CACNB2: variants seen among roughly 807,000 people sequenced by gnomAD.
The protein encoded by CACNB2 is voltage-dependent L-type calcium channel subunit beta-2.
In CACNB2, 42 loss-of-function variants were observed where a neutral mutation model predicts 73.3. The ratio of observed to expected loss-of-function variants is 0.57; its 90% CI spans 0.45 to 0.74. The LOEUF (loss-of-function observed/expected upper bound fraction) is 0.74, where lower values mean the gene tolerates loss of function less well. Among genes scored for constraint, CACNB2 ranks in the 30% least tolerant of loss-of-function variants. The probability of loss-of-function intolerance (pLI) is 0.00; values close to 1 mark genes in which losing one functional copy is unlikely to be tolerated. For synonymous variants in CACNB2, 348 were observed against 310.3 expected (o/e 1.12, Z -1.28); for missense variants, 940 against 853.0 (o/e 1.10, Z -1.27).
intron 1 of CACNB2, among the ~76,000 whole-genome samples, chr10:18,147,032 G>A (rs2031059232): frequency 1.3e-5 from 2 of 152,112 alleles, no homozygotes. Context: ...TTGTCCCCAG[G>A]GGCTGCCAAG....
chr10:18,223,348 G>A (rs1042859188), intron 2 of CACNB2, among the ~76,000 whole-genome samples: 3 of 152,184 alleles, frequency 2.0e-5, no homozygotes, highest in Admixed American at 6.6e-5. Context: ...AGGCTAGTCA[G>A]TAATATACAT....
chr10:18,508,983 T>C (rs2050627112), intron 6 of CACNB2, among the ~76,000 whole-genome samples: 1 of 152,134 alleles, frequency 6.6e-6, no homozygotes, highest in Non-Finnish European at 1.5e-5. Flanking sequence ...CCATGAAGAG[T>C]GTAATATTTA....
intron 2 of CACNB2, among the ~76,000 whole-genome samples, chr10:18,242,076 T>C (rs986555137): frequency 1.4e-5 from 2 of 147,448 alleles, no homozygotes; most frequent in Admixed American, 7.0e-5. Flanking sequence ...AATGCATGTA[T>C]ATATGTATAT....
rs774654438 is a variant in CACNB2, at chr10:18,539,380, C to A, written c.1639C>A (p.Arg547Ser). 6.2e-7 allele frequency: 1 copy of A among 1,614,050 alleles called. No homozygotes were observed. Among genetic ancestry groups the A allele is most frequent in the African/African-American group, 1.3e-5 (1 of 75,004 alleles). The change falls in exon 14 of 14, where the codon CGC becomes AGC. Residue 547 changes from arginine (R) to serine (S), a missense_variant. Transcript: ENST00000324631. ...PHHNHRSGTS[R>S]GLSRQETFDS... ...CCACAACCATCGCAGTGGGACAAGT[C>A]GCGGCCTCTCCAGGCAAGAGACATT...
rs2034079341 is a variant in CACNB2, at chr10:18,184,911, C to G, written c.213+33936C>G. 3.3e-5 allele frequency among the ~76,000 whole-genome samples: 5 copies of G among 152,190 alleles called. No individual in the cohort carries two copies. In the South Asian group the frequency reaches 1.0e-3, roughly 32 times the overall value. On this transcript the variant is annotated intron_variant, in intron 2 of 13. Coordinates refer to ENST00000324631, the MANE Select transcript of CACNB2 (RefSeq NM_201596.3). ...CTGGAGTGCAGTGGCCTGATGATGG[C>G]TCATTGCAGCTTCAACCTCCCAGGC...
chr10:18,349,841 T>G (rs2041631967), intron 2 of CACNB2, among the ~76,000 whole-genome samples: 1 of 152,232 alleles, frequency 6.6e-6, no homozygotes, highest in Non-Finnish European at 1.5e-5. Flanking sequence ...AAATCCTATG[T>G]TATGCATATT....
At chr10:18,454,896 G>C (rs2047199946) in intron 3 of CACNB2, among the ~76,000 whole-genome samples, 1 of 152,148 alleles carries the variant, frequency 6.6e-6, no homozygotes, top group South Asian at 2.1e-4. Context: ...TAAAAAATTA[G>C]CCAGACGTGA....
chr10:18,173,705 T>C (rs1588618136), intron 2 of CACNB2, among the ~76,000 whole-genome samples: 2 of 152,356 alleles, frequency 1.3e-5, no homozygotes, highest in Middle Eastern at 6.8e-3. Context: ...TTTCTACTTC[T>C]TCTAACCTTT....
At chr10:18,392,569 T>C (rs1039494820) in intron 2 of CACNB2, among the ~76,000 whole-genome samples, 1 of 152,126 alleles carries the variant, frequency 6.6e-6, no homozygotes, top group African/African-American at 2.4e-5. Context: ...AGGGGAAAAC[T>C]GGACAAGAGC....
intron 3 of CACNB2, among the ~76,000 whole-genome samples, chr10:18,469,418 G>GT (rs1429353565): frequency 6.6e-6 from 1 of 151,762 alleles, no homozygotes; most frequent in African/African-American, 2.4e-5. Context: ...CCTCTCTAGT[G>GT]TCATCCCACT....
intron 2 of CACNB2, among the ~76,000 whole-genome samples, chr10:18,377,339 T>TGTGAGCTATATAATATTATGTC (rs1311398485): frequency 6.6e-6 from 1 of 152,186 alleles, no homozygotes; most frequent in Non-Finnish European, 1.5e-5. Context: ...ATTGACATCT[T>TGTGAGCTATATAATATTATGTC]GTGAGCTATA....
chr10:18,145,992 A>T (rs972457264), intron 1 of CACNB2, among the ~76,000 whole-genome samples: 1 of 151,296 alleles, frequency 6.6e-6, no homozygotes, highest in African/African-American at 2.4e-5. Context: ...CCTGCTAGAC[A>T]CCCACCCCCA....
Position 18,538,208 on chromosome 10 carries a change from A to C in CACNB2, c.1331A>C (p.Asn444Thr). 6.2e-7 allele frequency: 1 copy of C among 1,614,036 alleles called. No homozygotes were observed. Among genetic ancestry groups the C allele is most frequent in the South Asian group, 1.1e-5 (1 of 91,060 alleles). ...CTGTTCGATGTGATCTTGGATGAGA[A>C]CCAGCTTGAGGATGCCTGTGAGCAC... ...PELFDVILDENQLEDACEHLA... is the reference protein window; with the variant it reads ...PELFDVILDETQLEDACEHLA... The change falls in exon 13 of 14, where the codon AAC (asparagine) becomes ACC (threonine). Residue 444 changes from asparagine (N) to threonine (T), a missense_variant. Transcript: ENST00000324631.
intron 7 of CACNB2, chr10:18,514,599 G>C (rs920307974): frequency 1.6e-5 from 24 of 1,528,852 alleles, no homozygotes; most frequent in Non-Finnish European, 2.2e-5. Context: ...TCCCACAGTT[G>C]TATTAAATAC....
intron 2 of CACNB2, among the ~76,000 whole-genome samples, chr10:18,320,105 A>G (rs1171670146): frequency 6.6e-6 from 1 of 151,766 alleles, no homozygotes; most frequent in African/African-American, 2.4e-5. Context: ...CGACCCCGCC[A>G]CCCCAAGGAC....
chr10:18,491,048 TGG>T (rs1031726225), intron 3 of CACNB2, among the ~76,000 whole-genome samples: 1 of 152,216 alleles, frequency 6.6e-6, no homozygotes, highest in African/African-American at 2.4e-5. Flanking sequence ...CCACTGTTCC[TGG>T]TGTTCCCGTG....
At chr10:18,197,173 T>TTCGTTCC (rs2034663441) in intron 2 of CACNB2, among the ~76,000 whole-genome samples, 2 of 152,184 alleles carry the variant, frequency 1.3e-5, no homozygotes, top group Admixed American at 1.3e-4. Context: ...AGGCCTGTGT[T>TTCGTTCC]TCGTTCCTCG....
intron 2 of CACNB2, among the ~76,000 whole-genome samples, chr10:18,315,526 A>AAAAAAAC (rs1554791257): frequency 1.6e-5 from 2 of 121,900 alleles, no homozygotes; most frequent in Non-Finnish European, 3.6e-5. Flanking sequence ...AAAAAAAAAA[A>AAAAAAAC]AACTTTTTTT....
intron 2 of CACNB2, among the ~76,000 whole-genome samples, chr10:18,312,120 G>A (rs906949049): frequency 6.6e-6 from 1 of 151,960 alleles, no homozygotes; most frequent in African/African-American, 2.4e-5. Context: ...TCCCAAGTAG[G>A]TAAATCTTAG....
Sources: gnomAD v4.1 joint callset for allele counts (sites outside exome capture counted in the v4.1 genomes callset) on GRCh38, gnomAD v4.1.1 for gene constraint, MANE v1.5 for transcripts, NCBI Gene and HGNC (gene_info 2026-07-23, HGNC 2026-07-21) for gene names.